DNAJB6: variants seen among roughly 807,000 people sequenced by gnomAD.
DNAJB6 encodes the protein dnaJ homolog subfamily B member 6.
DNAJB6 carries 16 observed loss-of-function variants against 42.7 expected under a neutral mutation model. The observed-to-expected ratio is 0.37, with a 90% CI of 0.25 to 0.57. The LOEUF is 0.57. Among genes scored for constraint, DNAJB6 ranks in the 20% least tolerant of loss-of-function variants. The pLI, the probability that DNAJB6 is intolerant of heterozygous loss-of-function variation, is 0.74. For missense variants in DNAJB6, 347 were observed against 416.8 expected, an observed-to-expected ratio of 0.83 and a Z score of 1.46; for synonymous variants, 170 against 163.5, an observed-to-expected ratio of 1.04 and a Z score of -0.30.
intron 8 of DNAJB6, among the ~76,000 whole-genome samples, chr7:157,402,276 G>A (rs73176489): frequency 3.3e-5 from 5 of 152,316 alleles, no homozygotes; most frequent in Non-Finnish European, 7.4e-5. Context: ...TTTTAAAGAC[G>A]AGGGGACTGT....
At chr7:157,398,621 G>C (rs144868068) in intron 8 of DNAJB6, among the ~76,000 whole-genome samples, 2 of 151,726 alleles carry the variant, frequency 1.3e-5, no homozygotes, top group South Asian at 2.1e-4. Context: ...TTTGGCTTGA[G>C]GGGGGGGATG....
chr7:157,345,348 G>C (rs1269426905), intron 1 of DNAJB6, among the ~76,000 whole-genome samples: 5 of 151,960 alleles, frequency 3.3e-5, no homozygotes, highest in African/African-American at 4.8e-5. Context: ...GCCTTGCCCT[G>C]TCTCTTGTCC....
chr7:157,409,602 T>C (rs2116646949), intron 8 of DNAJB6, among the ~76,000 whole-genome samples, 193 bp from the exon 9 acceptor site: 1 of 152,362 alleles, frequency 6.6e-6, no homozygotes, highest in Non-Finnish European at 1.5e-5. Flanking sequence ...GACTCACTTT[T>C]TTCCCACTCT....
chr7:157,350,819 C>G (rs1294710881), intron 1 of DNAJB6, among the ~76,000 whole-genome samples: 1 of 150,278 alleles, frequency 6.7e-6, no homozygotes, highest in Non-Finnish European at 1.5e-5. Flanking sequence ...CCTCCCGAGT[C>G]TTAGCTGGCG....
chr7:157,339,932 T>G (rs1279763494), intron 1 of DNAJB6: 1 of 152,216 alleles, frequency 6.6e-6, no homozygotes, highest in African/African-American at 2.4e-5. Context: ...GGCTGTCACT[T>G]TAAAGAGTAT....
Position 157,366,525 on chromosome 7 carries a change from A to G in DNAJB6, c.199A>G (p.Lys67Glu). The change falls in exon 4 of 10, where the codon AAA becomes GAA. Residue 67 changes from lysine (K) to glutamate (E), a missense_variant. By Grantham distance (56) the Lys-to-Glu change is moderately conservative. Transcript: ENST00000262177. ...SDAKKRDIYDKYGKEGLNGGG... is the reference protein window; with the variant it reads ...SDAKKRDIYDEYGKEGLNGGG... ...AGCTAAGAAACGGGACATCTATGACAAATATGGCAAAGAAGGATTAAATGG... is the reference window on the plus strand; with the variant it reads ...AGCTAAGAAACGGGACATCTATGACGAATATGGCAAAGAAGGATTAAATGG... The G allele has an allele frequency of 6.2e-7, 1 of 1,614,092 alleles. No individual in the cohort carries two copies. Among genetic ancestry groups the G allele is most frequent in the Non-Finnish European group, 8.5e-7 (1 of 1,179,992 alleles).
intron 1 of DNAJB6, among the ~76,000 whole-genome samples, chr7:157,354,426 T>A (rs964909421): frequency 4.6e-5 from 7 of 152,186 alleles, no homozygotes; most frequent in Non-Finnish European, 8.8e-5. Context: ...GGATTACAGG[T>A]GTGAGCCGCT....
intron 1 of DNAJB6, among the ~76,000 whole-genome samples, chr7:157,351,404 G>A (rs1329099833): frequency 2.6e-5 from 4 of 151,726 alleles, no homozygotes; most frequent in South Asian, 4.2e-4. Context: ...CGAGGAGGGC[G>A]GATCTACAAG....
intron 3 of DNAJB6, 34 bp from the exon 4 acceptor site, chr7:157,366,468 A>C: frequency 6.2e-7 from 1 of 1,600,508 alleles, no homozygotes; most frequent in Non-Finnish European, 8.6e-7. Context: ...TTTAAAAGGA[A>C]CTTGGCCTTA....
chr7:157,395,248 GCACATCTGGC>G (rs910205552), intron 8 of DNAJB6, among the ~76,000 whole-genome samples: 103 of 152,352 alleles, frequency 6.8e-4, no homozygotes, highest in African/African-American at 2.3e-3. Context: ...TTGGTGCTGG[GCACATCTGGC>G]CACTTAATGT....
intron 1 of DNAJB6, among the ~76,000 whole-genome samples, chr7:157,357,387 TCA>T (rs1467737627): frequency 6.7e-6 from 1 of 148,950 alleles, no homozygotes; most frequent in Admixed American, 6.9e-5. Flanking sequence ...CGATGTCAGC[TCA>T]CTGCAGTCTC....
At chr7:157,404,731 C>G (rs1795695305) in intron 8 of DNAJB6, among the ~76,000 whole-genome samples, 1 of 152,076 alleles carries the variant, frequency 6.6e-6, no homozygotes, top group Non-Finnish European at 1.5e-5. Context: ...GTCTCAAACT[C>G]CTGACCTCAA....
chr7:157,350,218 A>ACTAAGACATTACGACATTGGAG (rs1798896907), intron 1 of DNAJB6, among the ~76,000 whole-genome samples: 1 of 152,214 alleles, frequency 6.6e-6, no homozygotes, highest in Non-Finnish European at 1.5e-5. Flanking sequence ...GACTGGGGGC[A>ACTAAGACATTACGACATTGGAG]CTAAGACATT....
At chr7:157,382,453 T>TA (rs1800834314) in intron 6 of DNAJB6, 76 bp downstream of exon 6, 2 of 1,476,006 alleles carry the variant, frequency 1.4e-6, no homozygotes, top group South Asian at 2.7e-5. Flanking sequence ...CTCTTTTAGT[T>TA]AGAGTGCTTT....
chr7:157,355,272 T>C (rs1424797404), intron 1 of DNAJB6, among the ~76,000 whole-genome samples: 2 of 152,220 alleles, frequency 1.3e-5, no homozygotes, highest in Non-Finnish European at 2.9e-5. Flanking sequence ...GCCGTTCTCC[T>C]GCCTCACCAT....
At chr7:157,339,601 TTGTGTGTGTGTG>T (rs59577692) in intron 1 of DNAJB6, among the ~76,000 whole-genome samples, 1,331 of 122,420 alleles carry the variant, frequency 0.011, 9 homozygotes, top group Non-Finnish European at 0.015. Context: ...GCCCGGCCTT[TTGTGTGTGTGTG>T]TGTGTGTGTG....
At chr7:157,405,788 C>T (rs1340076020) in intron 8 of DNAJB6, among the ~76,000 whole-genome samples, 3 of 152,220 alleles carry the variant, frequency 2.0e-5, no homozygotes, top group East Asian at 1.9e-4. Flanking sequence ...GAGTCCGAGG[C>T]GAGAGCCATG....
chr7:157,409,757 G>T (rs1325525080), intron 8 of DNAJB6, 38 bp from the exon 9 acceptor site: 1 of 1,489,336 alleles, frequency 6.7e-7, no homozygotes, highest in Admixed American at 2.2e-5. Context: ...GGCCGCCGCC[G>T]CTCACTCACG....
chr7:157,351,713 C>T (rs1239823430), intron 1 of DNAJB6, among the ~76,000 whole-genome samples: 1 of 152,060 alleles, frequency 6.6e-6, no homozygotes, highest in Non-Finnish European at 1.5e-5. Flanking sequence ...CCCATAATCC[C>T]AGCACTTTGG....
Sources: allele counts gnomAD v4.1 joint callset (sites outside exome capture counted in the v4.1 genomes callset), GRCh38; gene constraint gnomAD v4.1.1; transcripts MANE v1.5; gene names NCBI Gene and HGNC (gene_info 2026-07-23, HGNC 2026-07-21).